Variants in TMEM209 observed in about 807,000 individuals in gnomAD.
The protein encoded by TMEM209 is transmembrane protein 209.
A neutral mutation model predicts 76.2 loss-of-function variants in TMEM209; 65 were observed. The ratio of observed to expected loss-of-function variants is 0.85; its 90% CI spans 0.70 to 1.05. The LOEUF (loss-of-function observed/expected upper bound fraction) is 1.05. TMEM209 is among the 50% of genes least tolerant of loss of function. The probability of loss-of-function intolerance (pLI) is 0.00; values close to 1 mark genes in which losing one functional copy is unlikely to be tolerated. For synonymous variants in TMEM209, 239 were observed against 237.6 expected (o/e 1.01, Z -0.06); for missense variants, 623 against 685.5 (o/e 0.91, Z 1.02).
chr7:130,202,677 A>ATT lies in TMEM209; in HGVS notation c.200-16_200-15dup. 1 of 1,599,150 alleles carries ATT rather than the reference A, an allele frequency of 6.3e-7. No homozygotes were observed. The highest frequency in any genetic ancestry group is 1.1e-5 in the South Asian group (1 of 88,966). On this transcript the variant is annotated splice_polypyrimidine_tract_variant and intron_variant, in intron 3 of 14. Coordinates refer to ENST00000397622, the MANE Select transcript of TMEM209 (RefSeq NM_032842.4). ...CAAGGGCAAGCTCTGGAAGAGAACA[A>ATT]TTTTTTTTTAATAAGGGGGGTGAGG...
Position 130,170,410 on chromosome 7 carries a change from C to A in TMEM209, c.1621G>T (p.Gly541Ter). Residue 541 changes from glycine (G) to a stop codon, truncating the protein, a stop_gained, in exon 14 of 15, where the codon GGA becomes TGA. Coordinates refer to ENST00000397622, the MANE Select transcript of TMEM209 (RefSeq NM_032842.4). LOFTEE classifies it high-confidence loss of function. ...AGCATAAGTACCTACCCAAGCATTCCTGACTCTTTGGTCTTTATGATGTAG... is the reference window on the plus strand; with the variant it reads ...AGCATAAGTACCTACCCAAGCATTCATGACTCTTTGGTCTTTATGATGTAG... ...FLYIIKTKES[G>*]MLGRVNLGLS... is the part of the protein sequence containing the mutation. 1.9e-6 allele frequency: 3 copies of A among 1,612,396 alleles called. No homozygotes were observed. The highest frequency in any genetic ancestry group is 2.5e-6 in the Non-Finnish European group (3 of 1,179,376).
chr7:130,205,072 C>G, intron 1 of TMEM209: 1 of 1,357,062 alleles, frequency 7.4e-7, no homozygotes, highest in Non-Finnish European at 9.5e-7. Context: ...CTAGGCTCAA[C>G]TCTTACAGAC....
At chr7:130,204,897 C>G in intron 1 of TMEM209, 1 of 1,024,528 alleles carries the variant, frequency 9.8e-7, no homozygotes, top group Non-Finnish European at 1.2e-6. Flanking sequence ...ACTTGGACAG[C>G]TGTACTCCAG....
Position 130,201,693 on chromosome 7 carries a change from G to T in TMEM209, c.573+157C>A, listed in dbSNP as rs1798206418. The T allele has an allele frequency of 5.5e-6, 5 of 911,430 alleles. 1 individual carries two copies. The highest frequency in any genetic ancestry group is 5.4e-5 in the East Asian group (2 of 37,298). 56.5% of individuals were successfully genotyped at this position (911,430 alleles called of 1,614,324 possible). A position where few individuals can be genotyped will look rare whatever the true frequency, so the allele number is the denominator to read the frequency against. ...TTTCTCTTTCATTTTAAGATGTTGT[G>T]TTTAAGATATTATGTTCTATTCTCG... On this transcript the variant is annotated intron_variant, in intron 5 of 14. Transcript: ENST00000397622.
intron 5 of TMEM209, among the ~76,000 whole-genome samples, chr7:130,201,480 CA>C (rs1798196396): frequency 6.6e-6 from 1 of 151,618 alleles, no homozygotes; most frequent in Non-Finnish European, 1.5e-5. Flanking sequence ...GAAGACACTC[CA>C]ACATGATAAA....
intron 8 of TMEM209, among the ~76,000 whole-genome samples, chr7:130,182,920 T>G (rs966562042): frequency 6.6e-6 from 1 of 152,198 alleles, no homozygotes; most frequent in Non-Finnish European, 1.5e-5. Flanking sequence ...ACTATTCATA[T>G]GTTTTTCTGC....
chr7:130,188,470 C>A (rs189235579), intron 6 of TMEM209, among the ~76,000 whole-genome samples: 2,254 of 151,788 alleles, frequency 0.015, 46 homozygotes, highest in African/African-American at 0.052. Context: ...GTGGCAGGCA[C>A]CTGTAGTCCC....
At chr7:130,174,473 C>G (rs1584668217) in intron 11 of TMEM209, among the ~76,000 whole-genome samples, 2 of 152,262 alleles carry the variant, frequency 1.3e-5, no homozygotes, top group Middle Eastern at 6.8e-3. Context: ...TTTTCCATAG[C>G]AACCCTAGAA....
At chr7:130,201,788 G>T in intron 5 of TMEM209, 62 bp downstream of exon 5, 1 of 1,590,758 alleles carries the variant, frequency 6.3e-7, no homozygotes, top group South Asian at 1.1e-5. Flanking sequence ...CTCATTAGAT[G>T]ATTTTTAGTA....
intron 5 of TMEM209, among the ~76,000 whole-genome samples, chr7:130,196,789 G>A (rs1328662793): frequency 6.6e-6 from 1 of 152,192 alleles, no homozygotes; most frequent in Non-Finnish European, 1.5e-5. Context: ...AATAATTTCT[G>A]TCAGGCCACA....
intron 5 of TMEM209, among the ~76,000 whole-genome samples, chr7:130,201,511 A>C (rs1454098172): frequency 6.6e-6 from 1 of 152,190 alleles, no homozygotes; most frequent in Non-Finnish European, 1.5e-5. Context: ...AACTCTAAAA[A>C]GGTATACAAA....
chr7:130,204,884 T>A, intron 1 of TMEM209: 1 of 999,636 alleles, frequency 1.0e-6, no homozygotes, highest in Non-Finnish European at 1.2e-6. Context: ...TCAACAACTC[T>A]GCACTTGGAC....
intron 1 of TMEM209, 150 bp downstream of exon 1, chr7:130,205,223 C>G: frequency 1.9e-6 from 3 of 1,591,538 alleles, no homozygotes; most frequent in Non-Finnish European, 2.6e-6. Flanking sequence ...TTCAGCAACC[C>G]TATTGCTTCT....
At chr7:130,177,247 A>AG (rs1276538266) in intron 10 of TMEM209, among the ~76,000 whole-genome samples, 2 of 151,082 alleles carry the variant, frequency 1.3e-5, no homozygotes, top group Non-Finnish European at 2.9e-5. Flanking sequence ...GCTACTCAGG[A>AG]GGCTGAGGCA....
At chr7:130,195,784 A>G (rs185403662) in intron 5 of TMEM209, among the ~76,000 whole-genome samples, 49 of 152,276 alleles carry the variant, frequency 3.2e-4, no homozygotes, top group Admixed American at 2.0e-3. Flanking sequence ...TACATTCTGT[A>G]AAGTGAAATA....
chr7:130,202,639 C>T lies in TMEM209; in HGVS notation c.224G>A (p.Ser75Asn). The part of the protein sequence containing the change: ...YIELALASLF[S>N]LNALFDFWRY... Reference sequence around the variant, plus strand: ...CCAAAAATCAAATAAGGCATTAAGGCTGAAGAGAGATGCAAGGGCAAGCTC... The same window carrying T: ...CCAAAAATCAAATAAGGCATTAAGGTTGAAGAGAGATGCAAGGGCAAGCTC... Residue 75 changes from serine (S) to asparagine (N), a missense_variant, in exon 4 of 15, where the codon AGC becomes AAC. Ser to Asn is a conservative substitution (Grantham distance 46, BLOSUM62 1). Transcript: ENST00000397622. The T allele has an allele frequency of 6.2e-7, 1 of 1,613,400 alleles. No individual in the cohort carries two copies. The highest frequency in any genetic ancestry group is 1.1e-5 in the South Asian group (1 of 90,944).
At chr7:130,192,478 CATAAA>C in intron 6 of TMEM209, 139 bp downstream of exon 6, 2 of 683,978 alleles carry the variant, frequency 2.9e-6, no homozygotes, top group East Asian at 2.8e-5. Flanking sequence ...ATTCTAACTG[CATAAA>C]ATAATGTTAC....
At chr7:130,203,887 C>T in intron 2 of TMEM209, 41 bp from the exon 3 acceptor site, 1 of 1,589,676 alleles carries the variant, frequency 6.3e-7, no homozygotes, top group Non-Finnish European at 8.5e-7. Context: ...AACCTAAAAA[C>T]ACCAAAAATC....
intron 9 of TMEM209, among the ~76,000 whole-genome samples, chr7:130,179,618 T>C (rs1014082372): frequency 2.0e-5 from 3 of 152,232 alleles, no homozygotes; most frequent in Admixed American, 1.3e-4. Flanking sequence ...AACATTCCTA[T>C]ATGTGTCATG....
Sources: allele counts gnomAD v4.1 joint callset (sites outside exome capture counted in the v4.1 genomes callset), GRCh38; gene constraint gnomAD v4.1.1; transcripts MANE v1.5; gene names NCBI Gene and HGNC (gene_info 2026-07-23, HGNC 2026-07-21).